Variants in CHST11 observed in about 807,000 individuals in gnomAD.
CHST11 encodes carbohydrate sulfotransferase 11.
A neutral mutation model predicts 30.4 loss-of-function variants in CHST11; 9 were observed. The observed-to-expected ratio is 0.30, with a 90% CI of 0.18 to 0.52. The LOEUF (loss-of-function observed/expected upper bound fraction) is 0.52, where lower values mean the gene tolerates loss of function less well. Among genes scored for constraint, CHST11 ranks in the 20% least tolerant of loss-of-function variants. CHST11 has a pLI of 0.97. For missense variants in CHST11, 348 were observed against 460.6 expected, an observed-to-expected ratio of 0.76 and a Z score of 2.24; for synonymous variants, 152 against 187.8, an observed-to-expected ratio of 0.81 and a Z score of 1.56.
chr12:104,606,388 G>A (rs1256056913), intron 2 of CHST11, among the ~76,000 whole-genome samples: 1 of 152,018 alleles, frequency 6.6e-6, no homozygotes, highest in Non-Finnish European at 1.5e-5. Context: ...GAGAGAAAAA[G>A]GAAGACAAAT....
chr12:104,741,397 AG>A (rs2040345767), intron 2 of CHST11, among the ~76,000 whole-genome samples: 1 of 152,202 alleles, frequency 6.6e-6, no homozygotes, highest in Admixed American at 6.5e-5. Flanking sequence ...CAGAAACGAA[AG>A]GCCCAGAGCA....
intron 1 of CHST11, among the ~76,000 whole-genome samples, chr12:104,563,881 T>G (rs2038536569): frequency 6.6e-6 from 1 of 152,024 alleles, no homozygotes; most frequent in African/African-American, 2.4e-5. Flanking sequence ...GGGGAGCGTT[T>G]CTCAGTTTCT....
intron 1 of CHST11, among the ~76,000 whole-genome samples, chr12:104,569,102 G>A (rs1011558995): frequency 2.0e-5 from 3 of 152,094 alleles, no homozygotes; most frequent in Admixed American, 6.6e-5. Context: ...CATGGAGAGG[G>A]TTAGTATCCA....
At chr12:104,744,930 A>T (rs1354488517) in intron 2 of CHST11, among the ~76,000 whole-genome samples, 1 of 151,834 alleles carries the variant, frequency 6.6e-6, no homozygotes, top group Non-Finnish European at 1.5e-5. Flanking sequence ...CTGGAGTGCA[A>T]TGGCATGATC....
chr12:104,537,418 G>A (rs11112098), intron 1 of CHST11, among the ~76,000 whole-genome samples: 69 of 152,246 alleles, frequency 4.5e-4, no homozygotes, highest in African/African-American at 1.6e-3. Context: ...CAGTTAACAG[G>A]GTGGGCTCTG....
chr12:104,651,435 G>A (rs1003041671), intron 2 of CHST11, among the ~76,000 whole-genome samples: 3 of 152,192 alleles, frequency 2.0e-5, no homozygotes, highest in Admixed American at 6.5e-5. Flanking sequence ...CACCTCAACA[G>A]TGTTACCCAC....
At chr12:104,734,948 C>G (rs1270728110) in intron 2 of CHST11, among the ~76,000 whole-genome samples, 1 of 152,188 alleles carries the variant, frequency 6.6e-6, no homozygotes, top group Admixed American at 6.5e-5. Context: ...TGCCAGGCAC[C>G]ACATGCCCTC....
chr12:104,726,186 A>G (rs2040215093), intron 2 of CHST11, among the ~76,000 whole-genome samples: 1 of 152,234 alleles, frequency 6.6e-6, no homozygotes, highest in South Asian at 2.1e-4. Context: ...CCTTAGTGAA[A>G]TATGTAATCA....
chr12:104,637,342 T>C (rs373252962), intron 2 of CHST11, among the ~76,000 whole-genome samples: 1 of 16,510 alleles, frequency 6.1e-5, no homozygotes, highest in Non-Finnish European at 1.1e-4. Context: ...AAAAGGGGGT[T>C]GGGGGAGGGG....
intron 1 of CHST11, among the ~76,000 whole-genome samples, chr12:104,513,123 T>TGGGGC (rs1555229065): frequency 9.8e-3 from 33 of 3,382 alleles, no homozygotes; most frequent in South Asian, 0.05. Context: ...ATGTCATGAC[T>TGGGGC]GGGGGGGGGG....
In CHST11 at chr12:104,464,897, G is replaced by T. The variant is rs941528514; in HGVS notation, c.118+7368G>T. Among the ~76,000 whole-genome samples, 4 of 152,090 alleles carry T rather than the reference G, an allele frequency of 2.6e-5. 1 individual carries two copies. The highest frequency in any genetic ancestry group is 6.3e-3 in the Middle Eastern group (2 of 316). ...GTGGAAGACCCGAGTCCTAGTCTGGGGTCTCCCATGTCCTATCCCCATAAA... is the reference window on the plus strand; with the variant it reads ...GTGGAAGACCCGAGTCCTAGTCTGGTGTCTCCCATGTCCTATCCCCATAAA... On this transcript the variant is annotated intron_variant, in intron 1 of 2. Coordinates refer to ENST00000303694, the MANE Select transcript of CHST11 (RefSeq NM_018413.6).
chr12:104,689,515 T>A (rs1448747691), intron 2 of CHST11, among the ~76,000 whole-genome samples: 2 of 152,252 alleles, frequency 1.3e-5, no homozygotes, highest in Non-Finnish European at 2.9e-5. Flanking sequence ...TTCAGCAACC[T>A]TGTATCATGC....
intron 1 of CHST11, among the ~76,000 whole-genome samples, chr12:104,601,023 C>T (rs1443372127): frequency 6.7e-6 from 1 of 149,992 alleles, no homozygotes; most frequent in Non-Finnish European, 1.5e-5. Flanking sequence ...TTTCCTCCTT[C>T]CCTCCTTCCT....
At chr12:104,630,438 C>G (rs1301864046) in intron 2 of CHST11, among the ~76,000 whole-genome samples, 1 of 152,232 alleles carries the variant, frequency 6.6e-6, no homozygotes, top group South Asian at 2.1e-4. Context: ...TTAGCTGTTA[C>G]AACCATAAAG....
intron 1 of CHST11, among the ~76,000 whole-genome samples, chr12:104,547,527 T>C (rs1023059346): frequency 2.6e-5 from 4 of 152,138 alleles, no homozygotes; most frequent in Non-Finnish European, 5.9e-5. Flanking sequence ...TTTCCATGCC[T>C]GAGGAACAAG....
intron 1 of CHST11, among the ~76,000 whole-genome samples, chr12:104,490,176 G>A (rs959135844): frequency 6.6e-6 from 1 of 152,226 alleles, no homozygotes; most frequent in Non-Finnish European, 1.5e-5. Context: ...TACTCTGAAA[G>A]ATGTGTGTCC....
Position 104,623,757 on chromosome 12 carries a change from C to T in CHST11, c.204+21766C>T, listed in dbSNP as rs908886722. ...GTTCATGTGCCCTTGGTGTAAAATA[C>T]TGGGCTCTATCTCACCGTCTCTGCT... is the stretch of plus-strand genomic sequence containing the variant. On this transcript the variant is annotated intron_variant, in intron 2 of 2. Coordinates refer to ENST00000303694, the MANE Select transcript of CHST11 (RefSeq NM_018413.6). Among the ~76,000 whole-genome samples, 155 of 152,010 alleles carry T rather than the reference C, an allele frequency of 1.0e-3. 2 individuals are homozygous for T. Among genetic ancestry groups the T allele is most frequent in the African/African-American group, 3.4e-3 (140 of 41,468 alleles).
chr12:104,707,871 G>A (rs776019041), intron 2 of CHST11, among the ~76,000 whole-genome samples: 1 of 152,186 alleles, frequency 6.6e-6, no homozygotes, highest in Non-Finnish European at 1.5e-5. Context: ...CAAGCACACA[G>A]CAGTGCACTC....
chr12:104,459,608 A>G (rs1165543041), intron 1 of CHST11, among the ~76,000 whole-genome samples: 2 of 152,254 alleles, frequency 1.3e-5, no homozygotes, highest in East Asian at 3.8e-4. Flanking sequence ...AGAAACTTCC[A>G]ACTTGTAATT....
Sources: gnomAD v4.1 joint callset for allele counts (sites outside exome capture counted in the v4.1 genomes callset) on GRCh38, gnomAD v4.1.1 for gene constraint, MANE v1.5 for transcripts, NCBI Gene and HGNC (gene_info 2026-07-23, HGNC 2026-07-21) for gene names.